NTRK3: variants seen among roughly 807,000 people sequenced by gnomAD.
NTRK3 encodes the protein NT-3 growth factor receptor.
A neutral mutation model predicts 91.7 loss-of-function variants in NTRK3; 24 were observed. That is an observed-to-expected ratio of 0.26 (90% CI 0.19 to 0.37). NTRK3 has a LOEUF of 0.37. Among genes scored for constraint, NTRK3 ranks in the 10% least tolerant of loss-of-function variants. NTRK3 has a pLI of 1.00. For synonymous variants in NTRK3, 483 were observed against 404.0 expected (o/e 1.20, Z -2.34); for missense variants, 880 against 1,068.9 (o/e 0.82, Z 2.46).
intron 13 of NTRK3, among the ~76,000 whole-genome samples, chr15:88,084,283 C>T (rs78702436): frequency 1.3e-5 from 2 of 152,048 alleles, no homozygotes; most frequent in African/African-American, 2.4e-5. Flanking sequence ...ATGGGAGACA[C>T]AGATGCTAAA....
intron 3 of NTRK3, among the ~76,000 whole-genome samples, chr15:88,230,033 G>A (rs191166090): frequency 2.5e-3 from 379 of 152,368 alleles, no homozygotes; most frequent in Middle Eastern, 6.8e-3. Flanking sequence ...GTAGGGGTGT[G>A]AGCGTGTGCT....
intron 15 of NTRK3, 113 bp from the exon 16 acceptor site, chr15:87,933,297 T>C (rs1166243784): frequency 2.0e-6 from 2 of 1,002,046 alleles, no homozygotes; most frequent in African/African-American, 1.6e-5. Context: ...TAAATATGAA[T>C]CTAAATGGAA....
intron 3 of NTRK3, among the ~76,000 whole-genome samples, chr15:88,214,259 G>T (rs2049526572): frequency 6.6e-6 from 1 of 152,116 alleles, no homozygotes; most frequent in Admixed American, 6.5e-5. Context: ...GCAGGGCCAT[G>T]CTCCCTCGAA....
At chr15:88,219,447 C>T (rs1176546628) in intron 3 of NTRK3, among the ~76,000 whole-genome samples, 1 of 152,226 alleles carries the variant, frequency 6.6e-6, no homozygotes, top group Non-Finnish European at 1.5e-5. Flanking sequence ...AGGGCTGGAC[C>T]CTTGGGGCAG....
At chr15:87,988,949 G>A (rs968825199) in intron 14 of NTRK3, among the ~76,000 whole-genome samples, 3 of 151,866 alleles carry the variant, frequency 2.0e-5, no homozygotes, top group Non-Finnish European at 2.9e-5. Context: ...AGAGGGTCTG[G>A]CTCTGTCACC....
intron 18 of NTRK3, among the ~76,000 whole-genome samples, chr15:87,879,261 G>C (rs993210247): frequency 6.6e-6 from 1 of 152,010 alleles, no homozygotes; most frequent in South Asian, 2.1e-4. Flanking sequence ...ATACCAAAAG[G>C]GTCTTGTGTT....
intron 15 of NTRK3, among the ~76,000 whole-genome samples, chr15:87,936,104 A>G (rs145810145): frequency 0.01 from 1,526 of 152,280 alleles, 29 homozygotes; most frequent in African/African-American, 0.035. Context: ...TGGGGTCCAC[A>G]TTTAACATCT....
intron 13 of NTRK3, among the ~76,000 whole-genome samples, chr15:88,114,793 T>C (rs191897828): frequency 3.9e-5 from 6 of 152,380 alleles, no homozygotes; most frequent in Admixed American, 3.3e-4. Context: ...CATTATCTTT[T>C]ATACTATTAG....
intron 13 of NTRK3, among the ~76,000 whole-genome samples, chr15:88,088,144 T>C (rs1023766763): frequency 2.6e-5 from 4 of 152,174 alleles, no homozygotes; most frequent in African/African-American, 7.2e-5. Flanking sequence ...AGCTGTGAGA[T>C]CTTGAATAAG....
intron 3 of NTRK3, chr15:88,209,842 T>C (rs2049093246): frequency 6.6e-6 from 1 of 152,264 alleles, no homozygotes; most frequent in Non-Finnish European, 1.5e-5. Context: ...TCCTGGGAGA[T>C]GTAATTTCCA....
chr15:88,239,020 T>A (rs959074793), intron 3 of NTRK3, among the ~76,000 whole-genome samples: 21 of 152,196 alleles, frequency 1.4e-4, no homozygotes, highest in Admixed American at 8.5e-4. Flanking sequence ...AATGAGTGAC[T>A]ATATACACTG....
At chr15:88,169,080 A>C (rs1480940252) in intron 5 of NTRK3, among the ~76,000 whole-genome samples, 1 of 152,200 alleles carries the variant, frequency 6.6e-6, no homozygotes, top group Non-Finnish European at 1.5e-5. Flanking sequence ...AGGGAAGCGC[A>C]ATGTGGCTTG....
At chr15:88,173,753 T>C (rs527327751) in intron 5 of NTRK3, among the ~76,000 whole-genome samples, 11 of 152,322 alleles carry the variant, frequency 7.2e-5, no homozygotes, top group South Asian at 4.1e-4. Context: ...GGTTCCTGAA[T>C]TGAAAACAGC....
At chr15:87,984,089 G>A (rs998327881) in intron 14 of NTRK3, among the ~76,000 whole-genome samples, 2 of 152,180 alleles carry the variant, frequency 1.3e-5, no homozygotes, top group Admixed American at 1.3e-4. Flanking sequence ...GATGAAAAAT[G>A]ACCACATGAA....
rs1004039308 is a variant in NTRK3, at chr15:88,026,147, T to G, written c.1585+6710A>C. On this transcript the variant is annotated intron_variant, in intron 14 of 18. Coordinates refer to ENST00000394480, the Ensembl canonical transcript of NTRK3. ...TTAGCCAGGCGTGGTGGCGGGTGCC[T>G]GTAGTCCCAGCTACTCAGGAGGCTG... Among the ~76,000 whole-genome samples, 5 of 152,104 alleles carry G rather than the reference T, an allele frequency of 3.3e-5. No individual in the cohort carries two copies. In the East Asian group the frequency reaches 7.8e-4, roughly 24 times the overall value.
chr15:88,110,392 A>G (rs2051208339), intron 13 of NTRK3, among the ~76,000 whole-genome samples: 1 of 152,150 alleles, frequency 6.6e-6, no homozygotes, highest in South Asian at 2.1e-4. Context: ...TCTCCCCCAG[A>G]ATATCCCTGC....
At chr15:88,238,162 C>T (rs982664445) in intron 3 of NTRK3, among the ~76,000 whole-genome samples, 2 of 152,162 alleles carry the variant, frequency 1.3e-5, no homozygotes, top group Non-Finnish European at 2.9e-5. Context: ...CCTGCCAACA[C>T]CTTCATCTTG....
chr15:88,174,991 T>C (rs2045867213), intron 5 of NTRK3, among the ~76,000 whole-genome samples: 3 of 152,362 alleles, frequency 2.0e-5, no homozygotes, highest in Admixed American at 1.3e-4. Flanking sequence ...AAACTTTCCC[T>C]GTAATAACAT....
chr15:88,003,397 A>G (rs902609727), intron 14 of NTRK3, among the ~76,000 whole-genome samples: 1 of 152,232 alleles, frequency 6.6e-6, no homozygotes. Context: ...CTTGACTGGC[A>G]TGATCTGAGA....
Sources: allele counts gnomAD v4.1 joint callset (sites outside exome capture counted in the v4.1 genomes callset), GRCh38; gene constraint gnomAD v4.1.1; transcripts MANE v1.5; gene names NCBI Gene and HGNC (gene_info 2026-07-23, HGNC 2026-07-21).